CEP135: variants seen among roughly 807,000 people sequenced by gnomAD.
CEP135 encodes the protein centrosomal protein 135.
CEP135 carries 142 observed loss-of-function variants against 157.3 expected under a neutral mutation model. The ratio of observed to expected loss-of-function variants is 0.90; its 90% CI spans 0.79 to 1.04. The LOEUF is 1.04. Among genes scored for constraint, CEP135 ranks in the 50% least tolerant of loss-of-function variants. CEP135 has a pLI of 0.00. For missense variants in CEP135, 1,317 were observed against 1,309.2 expected, an observed-to-expected ratio of 1.01 and a Z score of -0.09; for synonymous variants, 396 against 439.8, an observed-to-expected ratio of 0.90 and a Z score of 1.25.
Position 56,031,852 on chromosome 4 carries a change from G to A in CEP135, c.*504G>A, listed in dbSNP as rs1731362419. On this transcript the variant is annotated 3_prime_UTR_variant, in exon 26 of 26. Transcript: ENST00000257287. The stretch of plus-strand genomic sequence containing the variant: ...TCTTAAAATTATTCATAGATCTACT[G>A]TCTGTTGTCAAGGGGAATATATTCA... The A allele has an allele frequency of 6.6e-6, 1 of 152,076 alleles. No individual in the cohort carries two copies. The highest frequency in any genetic ancestry group is 2.4e-5 in the African/African-American group (1 of 41,418). The allele number at this position is 152,076 out of a possible 1,614,324, so 9.4% of individuals were successfully genotyped here.
At chr4:55,983,269 T>C (rs1425508309) in intron 13 of CEP135, among the ~76,000 whole-genome samples, 2 of 152,378 alleles carry the variant, frequency 1.3e-5, no homozygotes, top group East Asian at 3.9e-4. Context: ...ATAGGATTTT[T>C]TAAATGCAGT....
rs1728818134 is a variant in CEP135 at position 55,965,676 on chromosome 4, G to A, written c.861G>A (p.Leu287=). The change falls in exon 8 of 26, where the codon CTG becomes CTA. Residue 287 remains leucine (L), a synonymous_variant. Transcript: ENST00000257287. ...TTCTTCAGCAAGCTAATAAAGACCT[G>A]GAGAAGCGTATACGAGAGCTTATGG... ...VDFLQQANKD[L]EKRIRELMET... is the part of the protein sequence containing the mutation. The A allele has an allele frequency of 6.2e-7, 1 of 1,612,214 alleles. No homozygotes were observed. Among genetic ancestry groups the A allele is most frequent in the South Asian group, 1.1e-5 (1 of 90,540 alleles).
chr4:55,974,473 T>A (rs1729126282), intron 10 of CEP135, among the ~76,000 whole-genome samples: 1 of 152,188 alleles, frequency 6.6e-6, no homozygotes, highest in South Asian at 2.1e-4. Flanking sequence ...ATTGCTTCAT[T>A]TTGTAGTACT....
chr4:56,019,651 A>G (rs775635319), intron 23 of CEP135, 96 bp downstream of exon 23: 520 of 1,003,140 alleles, frequency 5.2e-4, no homozygotes, highest in Non-Finnish European at 6.9e-4. Context: ...AGTATGAAAG[A>G]TAGGCCAGGT....
intron 24 of CEP135, among the ~76,000 whole-genome samples, chr4:56,022,088 G>A (rs1730991909): frequency 6.6e-6 from 1 of 152,092 alleles, no homozygotes; most frequent in African/African-American, 2.4e-5. Flanking sequence ...ATGAAAGCAG[G>A]ATTGATAATT....
chr4:55,974,625 T>TA, intron 10 of CEP135, 121 bp from the exon 11 acceptor site: 1 of 705,984 alleles, frequency 1.4e-6, no homozygotes, highest in Non-Finnish European at 2.3e-6. Context: ...CTACAGGTGT[T>TA]ATGTAGAACA....
chr4:55,997,696 G>GT (rs11376951), intron 15 of CEP135, among the ~76,000 whole-genome samples: 82,989 of 151,974 alleles, frequency 0.55, 22,958 homozygotes, highest in African/African-American at 0.63. Flanking sequence ...CCTTGGACAA[G>GT]TTTTTTTGTT....
rs760160804 is a variant in CEP135, at chr4:55,981,210, T to TG, written c.1627-17_1627-16insG. The TG allele has an allele frequency of 9.6e-6, 15 of 1,558,774 alleles. No individual in the cohort carries two copies. In the African/African-American group the frequency reaches 2.0e-4, roughly 20 times the overall value. Reference sequence around the variant, plus strand: ...TACTAAAGTGCCTTTTTAATTTATATCTTTTCATTCTTTAAGGCTCAGGAA... The same window carrying TG: ...TACTAAAGTGCCTTTTTAATTTATATGCTTTTCATTCTTTAAGGCTCAGGAA... On this transcript the variant is annotated splice_polypyrimidine_tract_variant and intron_variant, in intron 12 of 25. Coordinates refer to ENST00000257287, the MANE Select transcript of CEP135 (RefSeq NM_025009.5).
At position 56,009,769 on chromosome 4, in the gene CEP135, G is replaced by C. The variant is rs780453903; in HGVS notation, c.2371G>C (p.Glu791Gln). The C allele has an allele frequency of 2.5e-6, 4 of 1,612,392 alleles. No homozygotes were observed. The highest frequency in any genetic ancestry group is 1.1e-5 in the South Asian group (1 of 90,288). Reference protein sequence around the residue: ...LKETLVNRDREINSLRRQLDA... With the variant: ...LKETLVNRDRQINSLRRQLDA... ...AGAAACATTGGTTAATCGAGATCGTGAGATAAACAGCCTCCGGCGCCAGCT... is the reference window on the plus strand; with the variant it reads ...AGAAACATTGGTTAATCGAGATCGTCAGATAAACAGCCTCCGGCGCCAGCT... Residue 791 changes from glutamate (E) to glutamine (Q), a missense_variant, in exon 19 of 26, where the codon GAG becomes CAG. Physicochemically the swap from Glu to Gln is conservative, Grantham distance 29. Transcript: ENST00000257287.
At position 56,029,875 on chromosome 4, in the gene CEP135, T is replaced by A. The variant is rs182869780; in HGVS notation, c.*12-1485T>A. 1.9e-3 allele frequency among the ~76,000 whole-genome samples: 287 copies of A among 152,166 alleles called. 7 individuals are homozygous for A. The highest frequency in any genetic ancestry group is 0.016 in the Admixed American group (246 of 15,266). ...AAGTTGCTCTGGGTGAGTCAGTGAG[T>A]GAGTGGTGAGTGAACGTGAAGGCCT... is the stretch of plus-strand genomic sequence containing the variant. On this transcript the variant is annotated intron_variant, in intron 25 of 25. Coordinates refer to ENST00000257287, the MANE Select transcript of CEP135 (RefSeq NM_025009.5).
intron 15 of CEP135, among the ~76,000 whole-genome samples, chr4:55,992,659 G>A (rs551369425): frequency 2.0e-5 from 3 of 152,286 alleles, no homozygotes; most frequent in South Asian, 2.1e-4. Context: ...AAAGGAGACC[G>A]AGGATCTGGA....
chr4:55,951,237 A>G (rs2031577229), intron 1 of CEP135, among the ~76,000 whole-genome samples: 1 of 152,152 alleles, frequency 6.6e-6, no homozygotes, highest in Non-Finnish European at 1.5e-5. Context: ...TTTTGTGAAT[A>G]TTTTTTATTT....
At chr4:55,991,563 T>G (rs1446583187) in intron 14 of CEP135, among the ~76,000 whole-genome samples, 1 of 152,194 alleles carries the variant, frequency 6.6e-6, no homozygotes, top group Non-Finnish European at 1.5e-5. Flanking sequence ...CCACTTTGTG[T>G]TTGGGTTACA....
rs11945709 is a variant in CEP135, at chr4:55,992,284, A to G, written c.2009+199A>G. ...GGAGGTTCTAATTCACTGAGAATCT[A>G]CTGGGGTAGGTTTTGGGTATCTGTG... is the stretch of plus-strand genomic sequence containing the variant. On this transcript the variant is annotated intron_variant, in intron 15 of 25. Transcript: ENST00000257287. Among the ~76,000 whole-genome samples the G allele has an allele frequency of 0.2, 29,996 of 152,114 alleles. 3,340 individuals carry two copies. The highest frequency in any genetic ancestry group is 0.26 in the Non-Finnish European group (17,698 of 67,962).
chr4:55,983,706 A>G (rs7665405), intron 13 of CEP135, among the ~76,000 whole-genome samples: 4,316 of 151,834 alleles, frequency 0.028, 211 homozygotes, highest in African/African-American at 0.098. Flanking sequence ...GCGATTTAGT[A>G]GAGACAGGGT....
At chr4:55,974,297 A>G (rs1729121494) in intron 10 of CEP135, among the ~76,000 whole-genome samples, 1 of 152,230 alleles carries the variant, frequency 6.6e-6, no homozygotes. Context: ...GGCAATTTCT[A>G]TGGTAAAAGC....
At chr4:56,002,450 G>A (rs1347167290) in intron 17 of CEP135, among the ~76,000 whole-genome samples, 2 of 151,984 alleles carry the variant, frequency 1.3e-5, no homozygotes, top group African/African-American at 4.8e-5. Context: ...ACGGGATGTT[G>A]CAACTTATTG....
intron 25 of CEP135, among the ~76,000 whole-genome samples, chr4:56,030,478 G>A (rs750604324): frequency 3.9e-5 from 6 of 152,098 alleles, no homozygotes; most frequent in Non-Finnish European, 5.9e-5. Flanking sequence ...AAGGTCTCGC[G>A]GTCTCGCTCT....
chr4:56,019,286 G>C, intron 22 of CEP135, 67 bp from the exon 23 acceptor site: 1 of 1,264,958 alleles, frequency 7.9e-7, no homozygotes, highest in South Asian at 1.5e-5. Context: ...TATATTGTCA[G>C]ATAAATAATT....
Sources: gnomAD v4.1 joint callset for allele counts (sites outside exome capture counted in the v4.1 genomes callset) on GRCh38, gnomAD v4.1.1 for gene constraint, MANE v1.5 for transcripts, NCBI Gene and HGNC (gene_info 2026-07-23, HGNC 2026-07-21) for gene names.